The following EFHB variants were observed in gnomAD, a reference collection of about 807,000 sequenced individuals.
The protein encoded by EFHB is EF-hand domain family member B.
Under a neutral mutation model 87.2 loss-of-function variants are expected in EFHB, and 91 were observed. That is an observed-to-expected ratio of 1.04 (90% CI 0.88 to 1.24). EFHB has a LOEUF of 1.24. Ranked by LOEUF, EFHB falls within the 50% of genes most tolerant of loss-of-function variation. The pLI, the probability that EFHB is intolerant of heterozygous loss-of-function variation, is 0.00. For missense variants in EFHB, 1,084 were observed against 998.8 expected (o/e 1.09, Z -1.15); for synonymous variants, 325 against 333.6 (o/e 0.97, Z 0.28).
At chr3:19,924,615 G>A (rs1695553481) in intron 1 of EFHB, among the ~76,000 whole-genome samples, 2 of 152,132 alleles carry the variant, frequency 1.3e-5, no homozygotes, top group African/African-American at 2.4e-5. Context: ...ATGTACACCA[G>A]TTTGGTCTAG....
At chr3:19,925,561 C>T (rs543209812) in intron 1 of EFHB, among the ~76,000 whole-genome samples, 2 of 152,112 alleles carry the variant, frequency 1.3e-5, no homozygotes, top group Non-Finnish European at 2.9e-5. Flanking sequence ...CTGTCTGTAA[C>T]CCAACTCCAA....
chr3:19,882,812 C>T lies in EFHB; in HGVS notation c.2147-81G>A. On this transcript the variant is annotated intron_variant, in intron 11 of 12. Coordinates refer to ENST00000295824, the MANE Select transcript of EFHB (RefSeq NM_144715.4). ...AGTAGCCACCAGTCACATGTGCATA[C>T]TGAGCACTTAAAATGTAGCTAGGAA... The T allele has an allele frequency of 2.4e-6, 3 of 1,253,984 alleles. No homozygotes were observed. The South Asian group carries it at 7.2e-5, about 30-fold the overall frequency. The allele number at this position is 1,253,984 out of a possible 1,614,324, so 77.7% of individuals were successfully genotyped here.
chr3:19,912,056 T>A (rs113629867), intron 5 of EFHB, among the ~76,000 whole-genome samples: 3,562 of 152,242 alleles, frequency 0.023, 119 homozygotes, highest in African/African-American at 0.078. Flanking sequence ...AACAGAGAAC[T>A]TCCCAAACCT....
At chr3:19,921,828 T>C (rs949152646) in intron 1 of EFHB, among the ~76,000 whole-genome samples, 2 of 152,128 alleles carry the variant, frequency 1.3e-5, no homozygotes, top group African/African-American at 4.8e-5. Flanking sequence ...CAGGGAATAT[T>C]GTCTCTCTCT....
At chr3:19,900,727 A>C (rs543228283) in intron 6 of EFHB, among the ~76,000 whole-genome samples, 3 of 152,138 alleles carry the variant, frequency 2.0e-5, no homozygotes, top group African/African-American at 7.2e-5. Flanking sequence ...TCAGGAGTTC[A>C]AGACCAGCCT....
chr3:19,887,521 G>A (rs1694149964), intron 10 of EFHB, among the ~76,000 whole-genome samples: 2 of 151,724 alleles, frequency 1.3e-5, no homozygotes, highest in South Asian at 4.2e-4. Context: ...ATCTATATAT[G>A]TAATGATACA....
intron 5 of EFHB, among the ~76,000 whole-genome samples, chr3:19,909,328 C>A (rs1225410435): frequency 1.3e-5 from 2 of 152,008 alleles, no homozygotes; most frequent in African/African-American, 4.8e-5. Flanking sequence ...GAAAACTGAA[C>A]CAAACTCAGC....
Position 19,927,327 on chromosome 3 carries a change from C to T in EFHB, c.789+5903G>A, listed in dbSNP as rs1016428079. Among the ~76,000 whole-genome samples the T allele has an allele frequency of 3.9e-5, 6 of 152,294 alleles. No individual in the cohort carries two copies. The South Asian group carries it at 1.2e-3, about 32-fold the overall frequency. On this transcript the variant is annotated intron_variant, in intron 1 of 12. Coordinates refer to ENST00000295824, the MANE Select transcript of EFHB (RefSeq NM_144715.4). ...AAGTGCCCTTTCAAGGGCTACCAGG[C>T]CTCCACACAGAGGACCTCCTTTCAC...
chr3:19,908,938 G>A (rs955263540), intron 5 of EFHB, among the ~76,000 whole-genome samples: 1 of 151,856 alleles, frequency 6.6e-6, no homozygotes, highest in Non-Finnish European at 1.5e-5. Context: ...ATGGATGGGG[G>A]TTAGAAAAAA....
chr3:19,881,266 G>T (rs948928954), intron 12 of EFHB, among the ~76,000 whole-genome samples: 2 of 152,150 alleles, frequency 1.3e-5, no homozygotes, highest in African/African-American at 4.8e-5. Flanking sequence ...CTTCTCCCCT[G>T]CTTCCTTCCC....
intron 1 of EFHB, chr3:19,942,139 C>G (rs71316239): frequency 6.6e-6 from 1 of 151,980 alleles, no homozygotes; most frequent in African/African-American, 2.4e-5. Flanking sequence ...GGTGACAGAG[C>G]GAGAATCCAT....
rs1315072196 is a variant in EFHB at position 19,888,594 on chromosome 3, A to G, written c.1783T>C (p.Leu595=). Residue 595 remains leucine (L), a synonymous_variant, in exon 10 of 13, where the codon TTG becomes CTG. Transcript: ENST00000295824. ...ELQEACDQAN[L]SLDDKLLDQL... The stretch of plus-strand genomic sequence containing the variant: ...TCCAGGAGCTTGTCATCTAAACTCA[A>G]GTTGGCCTGGTCACAAGCTTCCTGC... The G allele has an allele frequency of 2.5e-6, 4 of 1,607,398 alleles. No homozygotes were observed. Among genetic ancestry groups the G allele is most frequent in the Non-Finnish European group, 8.5e-7 (1 of 1,176,676 alleles).
At chr3:19,945,655 C>G (rs1040848370) in intron 1 of EFHB, among the ~76,000 whole-genome samples, 1 of 152,178 alleles carries the variant, frequency 6.6e-6, no homozygotes, top group African/African-American at 2.4e-5. Context: ...TATTTCCTGA[C>G]TCCTCCTGGG....
chr3:19,882,881 A>C (rs77164373), intron 11 of EFHB, 150 bp from the exon 12 acceptor site: 2 of 367,336 alleles, frequency 5.4e-6, no homozygotes, highest in Non-Finnish European at 4.1e-6. Context: ...CATTTTAGTA[A>C]AAAAAGGAAA....
At chr3:19,943,872 T>C (rs762359282) in intron 1 of EFHB, among the ~76,000 whole-genome samples, 22 of 152,210 alleles carry the variant, frequency 1.4e-4, no homozygotes, top group Non-Finnish European at 2.5e-4. Flanking sequence ...TAATATCATA[T>C]CAAATGGTGC....
chr3:19,935,407 A>G (rs947789495), upstream of EFHB, among the ~76,000 whole-genome samples: 1 of 152,122 alleles, frequency 6.6e-6, no homozygotes, highest in African/African-American at 2.4e-5. Context: ...TGAAACCCCT[A>G]GCTTGGAATT....
At chr3:19,884,367 T>C (rs1376290508) in intron 11 of EFHB, 36 bp downstream of exon 11, 1 of 1,585,044 alleles carries the variant, frequency 6.3e-7, no homozygotes. Context: ...GGACAGTTTG[T>C]TGATGCTTTT....
At chr3:19,935,925 G>A (rs530952096), upstream of EFHB, among the ~76,000 whole-genome samples, 14 of 138,388 alleles carry the variant, frequency 1.0e-4, no homozygotes, top group South Asian at 2.3e-3. Context: ...TAGAAGAATC[G>A]CTTGAACCTG....
chr3:19,935,180 A>G (rs1028494180), upstream of EFHB, among the ~76,000 whole-genome samples: 7 of 152,278 alleles, frequency 4.6e-5, no homozygotes, highest in Middle Eastern at 3.4e-3. Flanking sequence ...AAAGTGTCGG[A>G]TTACAGGCGT....
Sources: allele counts gnomAD v4.1 joint callset (sites outside exome capture counted in the v4.1 genomes callset), GRCh38; gene constraint gnomAD v4.1.1; transcripts MANE v1.5; gene names NCBI Gene and HGNC (gene_info 2026-07-23, HGNC 2026-07-21).